CRELD1: variants seen among roughly 807,000 people sequenced by gnomAD.
The protein encoded by CRELD1 is protein disulfide isomerase CRELD1.
A neutral mutation model predicts 58.2 loss-of-function variants in CRELD1; 42 were observed. That is an observed-to-expected ratio of 0.72 (90% CI 0.56 to 0.93). The LOEUF is 0.93. Ranked by LOEUF, CRELD1 falls within the 40% of genes least tolerant of loss-of-function variation. CRELD1 has a pLI of 0.00. For synonymous variants in CRELD1, 222 were observed against 202.0 expected (o/e 1.10, Z -0.84); for missense variants, 500 against 540.6 (o/e 0.92, Z 0.74).
chr3:9,940,261 G>A (rs1166321601), intron 5 of CRELD1, among the ~76,000 whole-genome samples: 4 of 152,172 alleles, frequency 2.6e-5, no homozygotes, highest in Non-Finnish European at 4.4e-5. Flanking sequence ...CTTCCCAGAC[G>A]GGGTGGTGGC....
intron 1 of CRELD1, 91 bp downstream of exon 1, chr3:9,934,011 G>A: frequency 9.5e-6 from 3 of 314,956 alleles, no homozygotes; most frequent in Non-Finnish European, 1.8e-5. Flanking sequence ...TCCGGATCCG[G>A]GCTCCTCCCT....
In CRELD1 at chr3:9,935,031, G is replaced by A. The variant is rs140230527; in HGVS notation, c.257+114G>A. 3 of 861,902 alleles carry A rather than the reference G, an allele frequency of 3.5e-6. No individual in the cohort carries two copies. The African/African-American group carries it at 5.1e-5, about 15-fold the overall frequency. The allele number at this position is 861,902 out of a possible 1,614,324, so 53.4% of individuals were successfully genotyped here. ...ACTTATTCATTCAACAAATAGCACT[G>A]AACATCTATAGTATAGCAGTAAACA... On this transcript the variant is annotated intron_variant, in intron 3 of 10. Transcript: ENST00000452070.
intron 1 of CRELD1, 30 bp downstream of exon 1, chr3:9,933,950 C>T: frequency 2.8e-6 from 1 of 354,188 alleles, no homozygotes; most frequent in Non-Finnish European, 5.2e-6. Flanking sequence ...GGCTCGTGGG[C>T]CGTGCCTTTG....
At position 9,941,029 on chromosome 3, in the gene CRELD1, A is replaced by G; in HGVS notation, c.637+3A>G. The G allele has an allele frequency of 6.2e-7, 1 of 1,614,208 alleles. No homozygotes were observed. Among genetic ancestry groups the G allele is most frequent in the South Asian group, 1.1e-5 (1 of 91,086 alleles). Reference sequence around the variant, plus strand: ...CGCCAGCCATCTGGTATGTTCGGGTAGGTAGCCAAAAGGTGTGGCACTGGG... The same window carrying G: ...CGCCAGCCATCTGGTATGTTCGGGTGGGTAGCCAAAAGGTGTGGCACTGGG... On this transcript the variant is annotated splice_donor_region_variant and intron_variant, in intron 6 of 10. Coordinates refer to ENST00000452070, the MANE Select transcript of CRELD1 (RefSeq NM_001077415.3).
intron 5 of CRELD1, among the ~76,000 whole-genome samples, chr3:9,938,785 G>A (rs13079108): frequency 0.16 from 24,146 of 151,942 alleles, 2,017 homozygotes; most frequent in South Asian, 0.2. Flanking sequence ...GCATGAACCC[G>A]GCAGGCGGAG....
At chr3:9,937,117 TA>T (rs1559335291) in intron 3 of CRELD1, among the ~76,000 whole-genome samples, 1 of 152,224 alleles carries the variant, frequency 6.6e-6, no homozygotes, top group Non-Finnish European at 1.5e-5. Flanking sequence ...ATGTTTTACT[TA>T]TTGAGGAACT....
At chr3:9,944,126 C>T (rs2085453119) in intron 10 of CRELD1, 3 of 788,484 alleles carry the variant, frequency 3.8e-6, no homozygotes, top group Non-Finnish European at 7.0e-6. Context: ...AACTTGTCCA[C>T]CACATGGCCT....
chr3:9,935,427 T>C (rs984968450), intron 3 of CRELD1, among the ~76,000 whole-genome samples: 4 of 152,164 alleles, frequency 2.6e-5, no homozygotes, highest in Non-Finnish European at 4.4e-5. Context: ...TGGAAGGCTA[T>C]GAGCAGAAAA....
intron 3 of CRELD1, 88 bp downstream of exon 3, chr3:9,935,005 C>A: frequency 8.9e-7 from 1 of 1,119,676 alleles, no homozygotes. Flanking sequence ...TCTTGGGGAG[C>A]ACTTATTCAT....
intron 7 of CRELD1, among the ~76,000 whole-genome samples, chr3:9,941,782 T>TC (rs1291592276): frequency 1.1e-5 from 1 of 92,574 alleles, no homozygotes; most frequent in Non-Finnish European, 1.9e-5. Flanking sequence ...AGAGGGAGAC[T>TC]CCATCTCAAA....
chr3:9,939,920 C>T (rs1416530353), intron 5 of CRELD1, among the ~76,000 whole-genome samples: 2 of 151,076 alleles, frequency 1.3e-5, no homozygotes, highest in African/African-American at 2.4e-5. Context: ...CGGGCAGAGG[C>T]GCCCCTCACC....
chr3:9,937,753 G>T, intron 4 of CRELD1, 81 bp downstream of exon 4: 1 of 1,019,038 alleles, frequency 9.8e-7, no homozygotes, highest in Non-Finnish European at 1.5e-6. Flanking sequence ...AGAAGCAGGG[G>T]GGTGCATGCT....
intron 3 of CRELD1, among the ~76,000 whole-genome samples, chr3:9,936,964 G>A (rs1291508839): frequency 1.3e-5 from 2 of 152,184 alleles, no homozygotes; most frequent in African/African-American, 4.8e-5. Context: ...ATCAGTTGAT[G>A]GACATCTGCA....
intron 5 of CRELD1, among the ~76,000 whole-genome samples, chr3:9,939,148 TAAA>T (rs1220685717): frequency 1.4e-5 from 1 of 70,324 alleles, no homozygotes; most frequent in Non-Finnish European, 2.6e-5. Flanking sequence ...TAAAAATAAA[TAAA>T]TAAATAAATA....
In CRELD1 at chr3:9,938,087, C is replaced by T. The variant is rs754616906; in HGVS notation, c.441C>T (p.Thr147=). ...DSLKLCCPAG[T]FGPSCLPCPG... is the part of the protein sequence containing the mutation. ...TGAAGCTCTGCTGCCCCGCAGGCAC[C>T]TTCGGGCCCTCCTGCCTTCGTGAGT... Residue 147 remains threonine, a synonymous_variant, in exon 5 of 11, where the codon ACC becomes ACT. Coordinates refer to ENST00000452070, the MANE Select transcript of CRELD1 (RefSeq NM_001077415.3). 3.2e-5 allele frequency: 52 copies of T among 1,613,750 alleles called. No individual in the cohort carries two copies. Among genetic ancestry groups the T allele is most frequent in the Non-Finnish European group, 4.1e-5 (48 of 1,179,982 alleles).
chr3:9,944,193 G>A (rs1000481970), intron 10 of CRELD1, 172 bp from the exon 11 acceptor site: 7 of 794,940 alleles, frequency 8.8e-6, no homozygotes, highest in East Asian at 2.4e-5. Flanking sequence ...AGTGAGACAG[G>A]GATGGTAACT....
intron 5 of CRELD1, chr3:9,938,368 C>T (rs180783205): frequency 2.1e-6 from 1 of 474,642 alleles, no homozygotes; most frequent in East Asian, 4.2e-5. Context: ...CCAGCCCCTT[C>T]ATTTCCCATG....
chr3:9,940,316 C>T (rs372019812), intron 5 of CRELD1, among the ~76,000 whole-genome samples: 30 of 152,210 alleles, frequency 2.0e-4, no homozygotes, highest in East Asian at 7.8e-4. Context: ...CCAAGGCAGG[C>T]GGCTGGGAGG....
chr3:9,943,841 A>G (rs2124863964), intron 10 of CRELD1: 2 of 1,613,740 alleles, frequency 1.2e-6, no homozygotes, highest in South Asian at 1.1e-5. Context: ...ATGCAGGGTA[A>G]TCACAACGAT....
Sources: gnomAD v4.1 joint callset for allele counts (sites outside exome capture counted in the v4.1 genomes callset) on GRCh38, gnomAD v4.1.1 for gene constraint, MANE v1.5 for transcripts, NCBI Gene and HGNC (gene_info 2026-07-23, HGNC 2026-07-21) for gene names.